PDE5A: variants seen among roughly 807,000 people sequenced by gnomAD.
PDE5A encodes cGMP-specific 3',5'-cyclic phosphodiesterase.
PDE5A carries 67 observed loss-of-function variants against 110.2 expected under a neutral mutation model. That is an observed-to-expected ratio of 0.61 (90% CI 0.50 to 0.75). The LOEUF is 0.75. PDE5A is among the 30% of genes least tolerant of loss of function. The pLI, the probability that PDE5A is intolerant of heterozygous loss-of-function variation, is 0.00. For synonymous variants in PDE5A, 328 were observed against 351.2 expected (o/e 0.93, Z 0.74); for missense variants, 862 against 1,045.1 (o/e 0.82, Z 2.42).
chr4:119,532,303 A>G (rs1715700052), intron 11 of PDE5A, among the ~76,000 whole-genome samples: 1 of 152,170 alleles, frequency 6.6e-6, no homozygotes, highest in Non-Finnish European at 1.5e-5. Context: ...AAAGATAGAT[A>G]CATAAATGAA....
At chr4:119,532,533 C>T (rs748370536) in intron 11 of PDE5A, among the ~76,000 whole-genome samples, 6 of 151,994 alleles carry the variant, frequency 3.9e-5, no homozygotes, top group Admixed American at 6.6e-5. Flanking sequence ...ACAAAAGGGA[C>T]ATACTTGTGT....
chr4:119,625,056 G>T (rs1407261914), intron 1 of PDE5A, among the ~76,000 whole-genome samples: 1 of 150,920 alleles, frequency 6.6e-6, no homozygotes, highest in African/African-American at 2.4e-5. Flanking sequence ...TGTTGCCCAG[G>T]CTGGAGTATA....
intron 2 of PDE5A, among the ~76,000 whole-genome samples, chr4:119,597,949 A>T (rs35999787): frequency 0.1 from 15,599 of 152,124 alleles, 1,032 homozygotes; most frequent in Non-Finnish European, 0.15. Context: ...ACATGCTCAA[A>T]GTTATATGAA....
At chr4:119,569,253 G>T (rs188847089) in intron 3 of PDE5A, among the ~76,000 whole-genome samples, 2 of 151,996 alleles carry the variant, frequency 1.3e-5, no homozygotes, top group Non-Finnish European at 2.9e-5. Context: ...GCCCAGGCTG[G>T]TCTCACTATG....
intron 3 of PDE5A, among the ~76,000 whole-genome samples, chr4:119,591,194 C>T (rs756063654): frequency 2.6e-5 from 4 of 152,124 alleles, no homozygotes; most frequent in Admixed American, 6.6e-5. Context: ...GGCTAATGAC[C>T]TCTTCATGCA....
chr4:119,498,731 G>T lies in PDE5A; in HGVS notation c.2498C>A (p.Thr833Asn). The T allele has an allele frequency of 6.2e-7, 1 of 1,613,830 alleles. No individual in the cohort carries two copies. Among genetic ancestry groups the T allele is most frequent in the Non-Finnish European group, 8.5e-7 (1 of 1,179,850 alleles). Residue 833 changes from threonine to asparagine, a missense_variant, in exon 21 of 21, where the codon ACC (threonine) becomes AAC (asparagine). Thr to Asn is a moderately conservative substitution (Grantham distance 65). Transcript: ENST00000354960. ...AGGGAAACAGTCCTCTGACACGTGG[G>T]TCAGGGCCTAAAGAGAAAAAAGAAA... ...AICLQLYEAL[T>N]HVSEDCFPLL...
Position 119,504,601 on chromosome 4 carries a change from T to C in PDE5A, c.2268-2A>G. 6.2e-7 allele frequency: 1 copy of C among 1,610,600 alleles called. No individual in the cohort carries two copies. The highest frequency in any genetic ancestry group is 8.5e-7 in the Non-Finnish European group (1 of 1,178,050). On this transcript the variant is annotated splice_acceptor_variant, in intron 17 of 20. Coordinates refer to ENST00000354960, the MANE Select transcript of PDE5A (RefSeq NM_001083.4). LOFTEE classifies it high-confidence loss of function. ...TCACAAGCTGTCATCAGCATTGCCC[T>C]GTTATGGAAAAAAGAAACCCAAAAC...
chr4:119,619,903 C>T (rs1443165380), intron 1 of PDE5A, among the ~76,000 whole-genome samples: 1 of 152,166 alleles, frequency 6.6e-6, no homozygotes, highest in East Asian at 1.9e-4. Context: ...TAGGGCCCTT[C>T]ACCATAAACA....
In PDE5A at chr4:119,565,359, G is replaced by A. The variant is rs1272461965; in HGVS notation, c.955C>T (p.Leu319Phe). 6 of 1,612,402 alleles carry A rather than the reference G, an allele frequency of 3.7e-6. No individual in the cohort carries two copies. Among genetic ancestry groups the A allele is most frequent in the African/African-American group, 1.3e-5 (1 of 74,958 alleles). Residue 319 changes from leucine to phenylalanine, a missense_variant, in exon 5 of 21, where the codon CTC (leucine) becomes TTC (phenylalanine). Leu to Phe is a conservative substitution (Grantham distance 22). Coordinates refer to ENST00000354960, the MANE Select transcript of PDE5A (RefSeq NM_001083.4). ...FCGIVLHNAQ[L>F]YETSLLENKR... is the part of the protein sequence containing the mutation. ...TTCTCCAGCAGTGAAGTCTCATAGA[G>A]CTGAGCATTATGAAGAACAATACCA...
chr4:119,499,728 C>CTGTT (rs1268681009), intron 20 of PDE5A: 3 of 151,896 alleles, frequency 2.0e-5, no homozygotes, highest in Admixed American at 2.0e-4. Flanking sequence ...AATAATTTTT[C>CTGTT]TGTTTTTTTG....
At chr4:119,608,775 A>T (rs28681016) in intron 1 of PDE5A, among the ~76,000 whole-genome samples, 1 of 152,218 alleles carries the variant, frequency 6.6e-6, no homozygotes, top group Non-Finnish European at 1.5e-5. Flanking sequence ...TATACCAAAC[A>T]AAAGTCCAGG....
chr4:119,566,607 C>T (rs1274358194), intron 4 of PDE5A, among the ~76,000 whole-genome samples: 2 of 152,136 alleles, frequency 1.3e-5, no homozygotes, highest in African/African-American at 4.8e-5. Context: ...AGCCTGAATT[C>T]ATACCTTGGC....
At chr4:119,604,363 TAAAG>T (rs1378810413) in intron 2 of PDE5A, among the ~76,000 whole-genome samples, 3 of 152,130 alleles carry the variant, frequency 2.0e-5, no homozygotes, top group Non-Finnish European at 2.9e-5. Flanking sequence ...TGAAGACAAA[TAAAG>T]ACTTTCTCAA....
At chr4:119,560,876 T>C (rs1468661949) in intron 6 of PDE5A, among the ~76,000 whole-genome samples, 1 of 152,242 alleles carries the variant, frequency 6.6e-6, no homozygotes, top group Non-Finnish European at 1.5e-5. Flanking sequence ...TCCCAACACT[T>C]TGGGAGGCCA....
At chr4:119,587,271 C>T (rs1487252576) in intron 3 of PDE5A, among the ~76,000 whole-genome samples, 2 of 150,088 alleles carry the variant, frequency 1.3e-5, no homozygotes, top group South Asian at 2.1e-4. Context: ...GGCAAGATCT[C>T]GGCTCACTGC....
chr4:119,563,042 G>A, intron 5 of PDE5A, 72 bp from the exon 6 acceptor site: 3 of 1,252,376 alleles, frequency 2.4e-6, no homozygotes, highest in Non-Finnish European at 3.3e-6. Context: ...ATTTATATGG[G>A]TTATAAATTG....
At chr4:119,559,752 G>A (rs1485487162) in intron 7 of PDE5A, among the ~76,000 whole-genome samples, 1 of 152,090 alleles carries the variant, frequency 6.6e-6, no homozygotes, top group Non-Finnish European at 1.5e-5. Context: ...TGTGGAGACG[G>A]GATATAATCT....
chr4:119,522,794 T>C lies in PDE5A; in HGVS notation c.1780-1734A>G, dbSNP rs902923455. The stretch of plus-strand genomic sequence containing the variant: ...ATATCTGGTAAGTTCTCAGTGGATA[T>C]GCTGGACACCATTAAAATTTGTAAG... On this transcript the variant is annotated intron_variant, in intron 12 of 20. Transcript: ENST00000354960. Among the ~76,000 whole-genome samples the C allele has an allele frequency of 4.9e-5, 7 of 142,124 alleles. No individual in the cohort carries two copies. In the Admixed American group the frequency reaches 5.0e-4, roughly 10 times the overall value. 93.2% of individuals were successfully genotyped at this position (142,124 alleles called of 152,430 possible).
chr4:119,504,118 G>A (rs1725473491), intron 18 of PDE5A, among the ~76,000 whole-genome samples: 1 of 151,810 alleles, frequency 6.6e-6, no homozygotes, highest in African/African-American at 2.4e-5. Context: ...CCCCCTTTTG[G>A]AGTCCCCAGT....
Sources: allele counts gnomAD v4.1 joint callset (sites outside exome capture counted in the v4.1 genomes callset), GRCh38; gene constraint gnomAD v4.1.1; transcripts MANE v1.5; gene names NCBI Gene and HGNC (gene_info 2026-07-23, HGNC 2026-07-21).